OLFML2A: variants seen among roughly 807,000 people sequenced by gnomAD.
OLFML2A encodes olfactomedin like 2A, also known as olfactomedin-like protein 2A.
OLFML2A carries 47 observed loss-of-function variants against 60.9 expected under a neutral mutation model. The ratio of observed to expected loss-of-function variants is 0.77; its 90% confidence interval spans 0.61 to 0.98. The LOEUF (loss-of-function observed/expected upper bound fraction) is 0.98, where lower values mean the gene tolerates loss of function less well. Among genes scored for constraint, OLFML2A ranks in the 50% least tolerant of loss-of-function variants. The pLI is 0.00. For missense variants in OLFML2A, 922 were observed against 879.8 expected (o/e 1.05, Z -0.61); for synonymous variants, 372 against 375.0 (o/e 0.99, Z 0.09).
intron 2 of OLFML2A, 44 bp downstream of exon 2, chr9:124,787,282 G>T: frequency 6.4e-7 from 1 of 1,567,412 alleles, no homozygotes; most frequent in South Asian, 1.1e-5. Flanking sequence ...CCTATCATGA[G>T]CTGGAGCCTG....
chr9:124,808,003 T>A (rs751116549), intron 7 of OLFML2A, 37 bp downstream of exon 7: 7 of 1,540,662 alleles, frequency 4.5e-6, no homozygotes. Flanking sequence ...GGGCTGGGTA[T>A]GGACAACCTG....
At position 124,790,247 on chromosome 9, in the gene OLFML2A, A is replaced by T. The variant is rs547652273; in HGVS notation, c.354+3009A>T. ...CAATGGCGCGATCTCAGCTCACTGC[A>T]ACCTCCACCCGGCTCCCCCTTTCAA... On this transcript the variant is annotated intron_variant, in intron 2 of 7. Transcript: ENST00000373580. Among the ~76,000 whole-genome samples the T allele has an allele frequency of 1.2e-3, 180 of 151,978 alleles. 2 individuals are homozygous for T. The highest frequency in any genetic ancestry group is 3.9e-3 in the African/African-American group (162 of 41,422).
rs144056677 is a variant in OLFML2A, at chr9:124,809,762, TG to T, written c.1355-42del. 6,240 of 1,551,972 alleles carry T rather than the reference TG, an allele frequency of 4.0e-3. 218 individuals carry two copies. The African/African-American group carries it at 0.074, about 18-fold the overall frequency. ...GTGGGCTCAGGGGATGTGGGTGGGC[TG>T]GGGTTGCTCGGGAGGTCTGGGGTGA... On this transcript the variant is annotated intron_variant, in intron 7 of 7. Transcript: ENST00000373580.
At chr9:124,800,928 G>T (rs1177569901) in intron 4 of OLFML2A, 24 of 1,542,038 alleles carry the variant, frequency 1.6e-5, no homozygotes. Flanking sequence ...GGACTTGAGG[G>T]TTTTTCCAGG....
At position 124,804,252 on chromosome 9, in the gene OLFML2A, G is replaced by T. The variant is rs1841843371; in HGVS notation, c.1078G>T (p.Ala360Ser). 3 of 1,607,618 alleles carry T rather than the reference G, an allele frequency of 1.9e-6. No individual in the cohort carries two copies. In the Middle Eastern group the frequency reaches 5.2e-4, roughly 281 times the overall value. Residue 360 changes from alanine to serine, a missense_variant, in exon 6 of 8, where the codon GCC becomes TCC. Ala to Ser is a moderately conservative substitution (Grantham distance 99, BLOSUM62 1). Coordinates refer to ENST00000373580, the MANE Select transcript of OLFML2A (RefSeq NM_182487.4). The stretch of plus-strand genomic sequence containing the variant: ...TTCTGGCACCCCCACTTCAATCCCT[G>T]CCACCACCACCACCGCCACCACCAC... ...LASGTPTSIP[A>S]TTTTATTTPT...
intron 7 of OLFML2A, 147 bp from the exon 8 acceptor site, chr9:124,809,661 A>G: frequency 4.6e-6 from 4 of 876,284 alleles, no homozygotes; most frequent in Non-Finnish European, 6.9e-6. Context: ...TTGTGCCATA[A>G]TAAGATGTCA....
At chr9:124,780,226 G>A (rs949374790) in intron 1 of OLFML2A, among the ~76,000 whole-genome samples, 1 of 152,220 alleles carries the variant, frequency 6.6e-6, no homozygotes, top group African/African-American at 2.4e-5. Flanking sequence ...CCCAGGCATA[G>A]CACCGCAGAC....
At chr9:124,791,289 C>T (rs1841564361) in intron 2 of OLFML2A, among the ~76,000 whole-genome samples, 1 of 152,216 alleles carries the variant, frequency 6.6e-6, no homozygotes, top group Non-Finnish European at 1.5e-5. Context: ...TGGCATGAGC[C>T]TTCTCTCTTC....
At chr9:124,778,220 G>T (rs1311022028) in intron 1 of OLFML2A, among the ~76,000 whole-genome samples, 1 of 152,008 alleles carries the variant, frequency 6.6e-6, no homozygotes, top group African/African-American at 2.4e-5. Context: ...AAGTAGCCAG[G>T]CATGGTGGTG....
chr9:124,788,210 G>A (rs1841512252), intron 2 of OLFML2A, among the ~76,000 whole-genome samples: 1 of 151,922 alleles, frequency 6.6e-6, no homozygotes, highest in Non-Finnish European at 1.5e-5. Flanking sequence ...GCTGAGGCAG[G>A]AGAATCACTT....
At chr9:124,785,201 G>A (rs1043579729) in intron 1 of OLFML2A, among the ~76,000 whole-genome samples, 16 of 151,366 alleles carry the variant, frequency 1.1e-4, no homozygotes, top group African/African-American at 1.7e-4. Context: ...TGATCTGCCC[G>A]CCTCAGCCTC....
Position 124,810,835 on chromosome 9 carries a change from C to T in OLFML2A, c.*423C>T, listed in dbSNP as rs1314828497. Reference sequence around the variant, plus strand: ...CTGCCCTCCCCCATCTCCCCGGTCTCCCTTGTTCTCTCAACCCAGTCTCCC... The same window carrying T: ...CTGCCCTCCCCCATCTCCCCGGTCTTCCTTGTTCTCTCAACCCAGTCTCCC... On this transcript the variant is annotated 3_prime_UTR_variant, in exon 8 of 8. Coordinates refer to ENST00000373580, the MANE Select transcript of OLFML2A (RefSeq NM_182487.4). 4.1e-5 allele frequency: 7 copies of T among 168,750 alleles called. No homozygotes were observed. The East Asian group carries it at 1.4e-3, about 33-fold the overall frequency. 10.5% of individuals were successfully genotyped at this position (168,750 alleles called of 1,614,324 possible).
intron 2 of OLFML2A, among the ~76,000 whole-genome samples, chr9:124,792,157 C>A: frequency 6.6e-6 from 1 of 152,220 alleles, no homozygotes; most frequent in East Asian, 1.9e-4. Flanking sequence ...CATTAATGAT[C>A]TGGTCAACTG....
intron 2 of OLFML2A, among the ~76,000 whole-genome samples, chr9:124,790,371 C>T (rs1053186705): frequency 4.0e-5 from 6 of 151,856 alleles, no homozygotes; most frequent in Non-Finnish European, 8.8e-5. Flanking sequence ...GATGGAGTTT[C>T]GCCATGTTGG....
At chr9:124,797,530 C>A (rs1841689101) in intron 3 of OLFML2A, among the ~76,000 whole-genome samples, 1 of 152,218 alleles carries the variant, frequency 6.6e-6, no homozygotes, top group Non-Finnish European at 1.5e-5. Flanking sequence ...CCAGGGATGA[C>A]TGGACGTCAA....
intron 2 of OLFML2A, among the ~76,000 whole-genome samples, chr9:124,789,762 C>T (rs945770468): frequency 1.3e-5 from 2 of 152,174 alleles, no homozygotes; most frequent in Admixed American, 6.5e-5. Context: ...TTTTGTAACG[C>T]CTGAATGAAT....
chr9:124,778,305 G>A (rs1841297069), intron 1 of OLFML2A, among the ~76,000 whole-genome samples: 1 of 151,504 alleles, frequency 6.6e-6, no homozygotes, highest in African/African-American at 2.4e-5. Flanking sequence ...AGCTTGCAGT[G>A]AGCCGAGATC....
At position 124,799,455 on chromosome 9, in the gene OLFML2A, T is replaced by C. The variant is rs1278137987; in HGVS notation, c.633T>C (p.Pro211=). 1 of 1,605,064 alleles carries C rather than the reference T, an allele frequency of 6.2e-7. No individual in the cohort carries two copies. The highest frequency in any genetic ancestry group is 2.2e-5 in the East Asian group (1 of 44,574). ...TGCAGAAGGATGCCGCCGCCGCCCC[T>C]GCCACCCCTGCCACGGGCACTGGTA... The part of the protein sequence containing the change: ...QLLQKDAAAA[P]ATPATGTGSK... The change falls in exon 4 of 8, where the codon CCT becomes CCC. Residue 211 remains proline (P), a synonymous_variant. Transcript: ENST00000373580.
chr9:124,792,596 G>C (rs1198363456), intron 2 of OLFML2A, among the ~76,000 whole-genome samples: 1 of 152,240 alleles, frequency 6.6e-6, no homozygotes, highest in Non-Finnish European at 1.5e-5. Flanking sequence ...GCCAGACTCA[G>C]GAGATGAGAA....
Sources: allele counts gnomAD v4.1 joint callset (sites outside exome capture counted in the v4.1 genomes callset), GRCh38; gene constraint gnomAD v4.1.1; transcripts MANE v1.5; gene names NCBI Gene and HGNC (gene_info 2026-07-23, HGNC 2026-07-21).